CASQ2: variants seen among roughly 807,000 people sequenced by gnomAD.
The protein encoded by CASQ2 is calsequestrin-2.
A neutral mutation model predicts 46.5 loss-of-function variants in CASQ2; 49 were observed. The ratio of observed to expected loss-of-function variants is 1.05; its 90% CI spans 0.84 to 1.34. The LOEUF is 1.34. Ranked by LOEUF, CASQ2 falls within the 40% of genes most tolerant of loss-of-function variation. The pLI is 0.00. For missense variants in CASQ2, 486 were observed against 481.3 expected (o/e 1.01, Z -0.09); for synonymous variants, 174 against 168.5 (o/e 1.03, Z -0.25).
intron 1 of CASQ2, among the ~76,000 whole-genome samples, chr1:115,765,273 T>G (rs1469436894): frequency 6.6e-6 from 1 of 152,214 alleles, no homozygotes; most frequent in Non-Finnish European, 1.5e-5. Flanking sequence ...AGGTGGCAGA[T>G]GCATGACTAA....
chr1:115,734,743 C>G lies in CASQ2; in HGVS notation c.533-1769G>C, dbSNP rs541289212. 7.2e-5 allele frequency among the ~76,000 whole-genome samples: 11 copies of G among 152,302 alleles called. No individual in the cohort carries two copies. In the South Asian group the frequency reaches 1.0e-3, roughly 14 times the overall value. On this transcript the variant is annotated intron_variant, in intron 4 of 10. Transcript: ENST00000261448. Reference sequence around the variant, plus strand: ...CTAAAAACTTATCTTAGCATTTTCTCTCCTTTCTTCCCCCTCTCTCAGGGT... The same window carrying G: ...CTAAAAACTTATCTTAGCATTTTCTGTCCTTTCTTCCCCCTCTCTCAGGGT...
At chr1:115,715,968 T>A (rs1003886589) in intron 8 of CASQ2, among the ~76,000 whole-genome samples, 7 of 152,218 alleles carry the variant, frequency 4.6e-5, no homozygotes, top group African/African-American at 7.2e-5. Flanking sequence ...TGCCACTAAC[T>A]GTGTTCTCTT....
chr1:115,702,925 G>A lies in CASQ2; in HGVS notation c.1010C>T (p.Thr337Ile). 6.2e-7 allele frequency: 1 copy of A among 1,612,746 alleles called. No homozygotes were observed. Among genetic ancestry groups the A allele is most frequent in the Non-Finnish European group, 8.5e-7 (1 of 1,179,122 alleles). ...GCCTTCACAGGGGATACTCACATCTGTGACATTCACCACCCCAATCTGTGG... is the reference window on the plus strand; with the variant it reads ...GCCTTCACAGGGGATACTCACATCTATGACATTCACCACCCCAATCTGTGG... ...FRPQIGVVNV[T>I]DADSVWMEIP... is the part of the protein sequence containing the mutation. Residue 337 changes from threonine (T) to isoleucine (I), a missense_variant, in exon 10 of 11, where the codon ACA becomes ATA. Thr to Ile is a moderately conservative substitution (Grantham distance 89). Transcript: ENST00000261448.
At chr1:115,746,380 A>G (rs537303182) in intron 1 of CASQ2, among the ~76,000 whole-genome samples, 1 of 152,342 alleles carries the variant, frequency 6.6e-6, no homozygotes, top group African/African-American at 2.4e-5. Context: ...TGGCAGTTAC[A>G]TGTTTAGTTT....
At chr1:115,740,662 G>T in intron 3 of CASQ2, 66 bp downstream of exon 3, 1 of 1,038,082 alleles carries the variant, frequency 9.6e-7, no homozygotes. Flanking sequence ...TTTCTTTGGG[G>T]TTCTATCTCT....
chr1:115,749,971 G>A (rs1168202522), intron 1 of CASQ2, among the ~76,000 whole-genome samples: 1 of 152,230 alleles, frequency 6.6e-6, no homozygotes, highest in Non-Finnish European at 1.5e-5. Context: ...GGCACTTATT[G>A]TGTAATCATT....
intron 1 of CASQ2, among the ~76,000 whole-genome samples, chr1:115,754,032 C>T (rs77486689): frequency 0.014 from 2,139 of 152,246 alleles, 63 homozygotes; most frequent in African/African-American, 0.049. Context: ...CTGTTTGTAC[C>T]CACTGTCCCT....
chr1:115,750,287 A>G (rs10923362), intron 1 of CASQ2, among the ~76,000 whole-genome samples: 41,641 of 152,080 alleles, frequency 0.27, 6,102 homozygotes, highest in East Asian at 0.43. Context: ...TCTCCTGTTG[A>G]CGTACAACTG....
At chr1:115,738,498 C>A (rs908624850) in intron 3 of CASQ2, among the ~76,000 whole-genome samples, 163 bp from the exon 4 acceptor site, 4 of 152,144 alleles carry the variant, frequency 2.6e-5, no homozygotes, top group Admixed American at 6.5e-5. Flanking sequence ...ACCAGCAGTA[C>A]CTTCTGAGGA....
At chr1:115,738,485 C>G in intron 3 of CASQ2, 150 bp from the exon 4 acceptor site, 1 of 702,408 alleles carries the variant, frequency 1.4e-6, no homozygotes, top group Non-Finnish European at 2.6e-6. Flanking sequence ...CCCCAGTGAG[C>G]ATACCAGCAG....
chr1:115,736,666 T>C (rs770203478), intron 4 of CASQ2, among the ~76,000 whole-genome samples: 15 of 152,268 alleles, frequency 9.9e-5, no homozygotes, highest in Middle Eastern at 3.4e-3. Context: ...GAGGCAAGCA[T>C]AAGATTCTCA....
chr1:115,726,147 A>T (rs2101078061), intron 6 of CASQ2, among the ~76,000 whole-genome samples: 1 of 152,276 alleles, frequency 6.6e-6, no homozygotes, highest in South Asian at 2.1e-4. Flanking sequence ...TGTCCAGGTG[A>T]GGGGGATCAC....
chr1:115,723,692 C>T (rs948361929), intron 7 of CASQ2, among the ~76,000 whole-genome samples: 3 of 151,926 alleles, frequency 2.0e-5, no homozygotes, highest in Non-Finnish European at 4.4e-5. Flanking sequence ...CGCCTGCCAC[C>T]ATACTCGGCT....
At chr1:115,708,310 C>T (rs755716862) in intron 8 of CASQ2, among the ~76,000 whole-genome samples, 2 of 152,170 alleles carry the variant, frequency 1.3e-5, no homozygotes, top group African/African-American at 2.4e-5. Flanking sequence ...ATAAGGTTGA[C>T]ATTAAAGCTG....
At chr1:115,760,643 A>C (rs1373745078) in intron 1 of CASQ2, among the ~76,000 whole-genome samples, 1 of 152,228 alleles carries the variant, frequency 6.6e-6, no homozygotes, top group Non-Finnish European at 1.5e-5. Context: ...AAGCTTTTAA[A>C]AACTGTAGCA....
chr1:115,701,382 T>G lies in CASQ2; in HGVS notation c.1059A>C (p.Pro353=), dbSNP rs754889548. The G allele has an allele frequency of 1.5e-5, 24 of 1,613,966 alleles. No individual in the cohort carries two copies. Among genetic ancestry groups the G allele is most frequent in the Non-Finnish European group, 1.9e-5 (22 of 1,179,950 alleles). ...TCCAGTCCTCCAGCTCCTCAGCAGTTGGAAGATCGTCATCATCTGGAATCT... is the reference window on the plus strand; with the variant it reads ...TCCAGTCCTCCAGCTCCTCAGCAGTGGGAAGATCGTCATCATCTGGAATCT... ...WMEIPDDDDL[P]TAEELEDWIE... Residue 353 remains proline (P), a synonymous_variant, in exon 11 of 11, where the codon CCA becomes CCC. Coordinates refer to ENST00000261448, the MANE Select transcript of CASQ2 (RefSeq NM_001232.4).
At chr1:115,745,028 A>C in intron 1 of CASQ2, 116 bp from the exon 2 acceptor site, 1 of 767,172 alleles carries the variant, frequency 1.3e-6, no homozygotes. Context: ...TGCTGTTACT[A>C]TGTGACCAAG....
intron 1 of CASQ2, among the ~76,000 whole-genome samples, chr1:115,756,492 C>T (rs988685037): frequency 2.0e-5 from 3 of 152,218 alleles, no homozygotes; most frequent in East Asian, 3.9e-4. Flanking sequence ...CTGTAAAGCT[C>T]AAACTGCCGC....
intron 7 of CASQ2, among the ~76,000 whole-genome samples, chr1:115,718,928 C>T (rs556971122): frequency 1.3e-5 from 2 of 152,156 alleles, no homozygotes; most frequent in South Asian, 4.2e-4. Flanking sequence ...CACCTGGGGA[C>T]AAGGCCGAGT....
Sources: allele counts gnomAD v4.1 joint callset (sites outside exome capture counted in the v4.1 genomes callset), GRCh38; gene constraint gnomAD v4.1.1; transcripts MANE v1.5; gene names NCBI Gene and HGNC (gene_info 2026-07-23, HGNC 2026-07-21).